The following UFSP2 variants were observed in gnomAD, a reference collection of about 807,000 sequenced individuals.
UFSP2 encodes ufm1-specific protease 2.
Under a neutral mutation model 60.2 loss-of-function variants are expected in UFSP2, and 43 were observed. The observed-to-expected ratio is 0.71, with a 90% CI of 0.56 to 0.92. UFSP2 has a LOEUF of 0.92. UFSP2 is among the 40% of genes least tolerant of loss of function. The probability of loss-of-function intolerance (pLI) is 0.00; values close to 1 mark genes in which losing one functional copy is unlikely to be tolerated. For synonymous variants in UFSP2, 183 were observed against 195.1 expected (o/e 0.94, Z 0.52); for missense variants, 520 against 575.0 (o/e 0.90, Z 0.98).
chr4:185,422,068 T>C (rs2095550379), intron 2 of UFSP2, among the ~76,000 whole-genome samples: 1 of 152,256 alleles, frequency 6.6e-6, no homozygotes, highest in South Asian at 2.1e-4. Flanking sequence ...ATAAACCCTG[T>C]TGATTTTTCT....
chr4:185,406,087 G>T, intron 9 of UFSP2: 1 of 765,282 alleles, frequency 1.3e-6, no homozygotes, highest in South Asian at 1.7e-5. Flanking sequence ...GACGCTAAAA[G>T]ACCTTGATTT....
At chr4:185,402,918 C>A (rs1447728017) in intron 11 of UFSP2, among the ~76,000 whole-genome samples, 1 of 152,206 alleles carries the variant, frequency 6.6e-6, no homozygotes, top group African/African-American at 2.4e-5. Flanking sequence ...ACAATACTTT[C>A]TCCTAAAGAC....
rs187422145 is a variant in UFSP2, at chr4:185,414,779, C to T, written c.684+376G>A. Among the ~76,000 whole-genome samples the T allele has an allele frequency of 2.9e-3, 449 of 152,296 alleles. 5 individuals are homozygous for T. Among genetic ancestry groups the T allele is most frequent in the African/African-American group, 9.5e-3 (396 of 41,560 alleles). On this transcript the variant is annotated intron_variant, in intron 6 of 11. Coordinates refer to ENST00000264689, the MANE Select transcript of UFSP2 (RefSeq NM_018359.5). The stretch of plus-strand genomic sequence containing the variant: ...CAGAATTAGCATAAGTTATCATTTT[C>T]CTTCCCTAACTGTAATCTTGTCTCT...
intron 6 of UFSP2, 114 bp from the exon 7 acceptor site, chr4:185,413,986 C>G (rs538793028): frequency 9.7e-6 from 9 of 923,606 alleles, no homozygotes; most frequent in East Asian, 3.0e-5. Context: ...ATAAAAGTTT[C>G]CAAACACTTA....
At chr4:185,402,285 A>G (rs1238799023) in intron 11 of UFSP2, 1 of 455,216 alleles carries the variant, frequency 2.2e-6, no homozygotes, top group East Asian at 6.9e-5. Flanking sequence ...TATTGCTACT[A>G]TATTCAGTAA....
At position 185,425,911 on chromosome 4, in the gene UFSP2, A is replaced by G; in HGVS notation, c.-43T>C. 1.3e-6 allele frequency: 2 copies of G among 1,580,862 alleles called. No individual in the cohort carries two copies. Among genetic ancestry groups the G allele is most frequent in the Non-Finnish European group, 1.7e-6 (2 of 1,163,744 alleles). ...GACACGGGCGCTGACGCCTGCCCAA[A>G]AGTTCCGGGGGCCGGCCCTGAAGTG... On this transcript the variant is annotated 5_prime_UTR_variant, in exon 1 of 12. Transcript: ENST00000264689.
At chr4:185,407,822 G>T in intron 9 of UFSP2, 114 bp downstream of exon 9, 1 of 1,151,174 alleles carries the variant, frequency 8.7e-7, no homozygotes. Context: ...TAATAAGGAA[G>T]AAGGAAAAGG....
At chr4:185,404,650 A>G (rs1368688726) in intron 10 of UFSP2, among the ~76,000 whole-genome samples, 1 of 150,826 alleles carries the variant, frequency 6.6e-6, no homozygotes, top group Non-Finnish European at 1.5e-5. Flanking sequence ...TACAGTGGGC[A>G]ATCCCGGCTC....
intron 7 of UFSP2, among the ~76,000 whole-genome samples, chr4:185,410,171 A>C (rs1250694724): frequency 6.6e-6 from 1 of 152,242 alleles, no homozygotes; most frequent in Non-Finnish European, 1.5e-5. Context: ...AGCAAAAAAG[A>C]AAAATAAATT....
At chr4:185,407,605 A>G (rs1434185070) in intron 9 of UFSP2, among the ~76,000 whole-genome samples, 1 of 152,160 alleles carries the variant, frequency 6.6e-6, no homozygotes, top group Non-Finnish European at 1.5e-5. Flanking sequence ...ACTTTTTAAA[A>G]GATTGGAGCA....
At chr4:185,402,198 C>CT (rs1162011997) in intron 11 of UFSP2, 1 of 424,602 alleles carries the variant, frequency 2.4e-6, no homozygotes, top group Non-Finnish European at 4.7e-6. Context: ...AATACTAGTG[C>CT]TTAGGACAGT....
intron 1 of UFSP2, among the ~76,000 whole-genome samples, chr4:185,425,394 T>G (rs1360347447): frequency 6.6e-6 from 1 of 152,030 alleles, no homozygotes; most frequent in African/African-American, 2.4e-5. Context: ...AACTTAGAGA[T>G]AAAATTTTAG....
chr4:185,405,578 T>A (rs1432341869), intron 10 of UFSP2, among the ~76,000 whole-genome samples: 1 of 152,222 alleles, frequency 6.6e-6, no homozygotes, highest in East Asian at 1.9e-4. Context: ...AGCCTTTACT[T>A]CTTCTGGTTA....
chr4:185,422,359 G>A (rs111914770), intron 2 of UFSP2, 126 bp downstream of exon 2: 13 of 731,348 alleles, frequency 1.8e-5, no homozygotes, highest in African/African-American at 1.1e-4. Context: ...CCCATTTAAT[G>A]TACTTACTAA....
chr4:185,408,511 T>C (rs2095524148), intron 7 of UFSP2, 76 bp from the exon 8 acceptor site: 3 of 1,423,166 alleles, frequency 2.1e-6, no homozygotes, highest in Non-Finnish European at 1.9e-6. Flanking sequence ...TCCCGAATTA[T>C]GTTTAATGTT....
At position 185,401,184 on chromosome 4, in the gene UFSP2, A is replaced by G. The variant is rs749653244; in HGVS notation, c.1324-706T>C. ...AGGCTGAGACTCTGAAAATACCATG[A>G]AGTGAGTGACAAGCAGCGGTCTGAC... is the stretch of plus-strand genomic sequence containing the variant. On this transcript the variant is annotated intron_variant, in intron 11 of 11. Coordinates refer to ENST00000264689, the MANE Select transcript of UFSP2 (RefSeq NM_018359.5). Among the ~76,000 whole-genome samples the G allele has an allele frequency of 5.3e-5, 8 of 152,320 alleles. No individual in the cohort carries two copies. The East Asian group carries it at 7.7e-4, about 15-fold the overall frequency.
intron 2 of UFSP2, among the ~76,000 whole-genome samples, chr4:185,421,655 GAGCCA>G (rs2095549607): frequency 6.6e-6 from 1 of 152,164 alleles, no homozygotes; most frequent in African/African-American, 2.4e-5. Flanking sequence ...GCAGAACTGT[GAGCCA>G]AATCAACCTC....
chr4:185,412,409 C>T (rs758464989), intron 7 of UFSP2, among the ~76,000 whole-genome samples: 1 of 152,152 alleles, frequency 6.6e-6, no homozygotes, highest in Non-Finnish European at 1.5e-5. Flanking sequence ...CCTAACTCAT[C>T]TAGGGTACGT....
In UFSP2 at chr4:185,413,902, A is replaced by C. The variant is rs181515584; in HGVS notation, c.685-30T>G. The C allele has an allele frequency of 4.6e-5, 72 of 1,559,730 alleles. No homozygotes were observed. The African/African-American group carries it at 7.6e-4, about 16-fold the overall frequency. On this transcript the variant is annotated intron_variant, in intron 6 of 11. Coordinates refer to ENST00000264689, the MANE Select transcript of UFSP2 (RefSeq NM_018359.5). ...AATAAATCAGAATCAACAGAAAAAG[A>C]AAAAATGTTGGTGATTTAGATTCCT... is the stretch of plus-strand genomic sequence containing the variant.
Sources: allele counts gnomAD v4.1 joint callset (sites outside exome capture counted in the v4.1 genomes callset), GRCh38; gene constraint gnomAD v4.1.1; transcripts MANE v1.5; gene names NCBI Gene and HGNC (gene_info 2026-07-23, HGNC 2026-07-21).